The following DAB1 variants were observed in gnomAD, a reference collection of about 807,000 sequenced individuals.
DAB1 encodes disabled homolog 1.
A neutral mutation model predicts 64.6 loss-of-function variants in DAB1; 15 were observed. That is an observed-to-expected ratio of 0.23 (90% confidence interval 0.16 to 0.36). DAB1 has a LOEUF of 0.36. Among genes scored for constraint, DAB1 ranks in the 10% least tolerant of loss-of-function variants. The probability of loss-of-function intolerance (pLI) is 1.00; values close to 1 mark genes in which losing one functional copy is unlikely to be tolerated. For synonymous variants in DAB1, 235 were observed against 251.9 expected (o/e 0.93, Z 0.64); for missense variants, 596 against 706.7 (o/e 0.84, Z 1.78).
intron 4 of DAB1, among the ~76,000 whole-genome samples, chr1:57,128,004 C>T (rs61765323): frequency 0.011 from 1,729 of 151,826 alleles, 28 homozygotes; most frequent in East Asian, 0.057. Context: ...AAAAATTAGC[C>T]GGCATGGTGG....
chr1:57,293,602 C>T (rs942016690), intron 1 of DAB1, among the ~76,000 whole-genome samples: 3 of 152,162 alleles, frequency 2.0e-5, no homozygotes, highest in Non-Finnish European at 4.4e-5. Flanking sequence ...GACCGAAAGT[C>T]TGTATTATCT....
At chr1:58,127,593 G>A (rs1325320838) in intron 5 of DAB1, among the ~76,000 whole-genome samples, 1 of 152,140 alleles carries the variant, frequency 6.6e-6, no homozygotes, top group Admixed American at 6.5e-5. Context: ...ATGGTTTTAG[G>A]TCTAACATTT....
intron 3 of DAB1, among the ~76,000 whole-genome samples, chr1:58,487,813 T>G (rs1351997442): frequency 2.0e-5 from 3 of 152,094 alleles, no homozygotes; most frequent in Admixed American, 2.0e-4. Flanking sequence ...ATACTTTAAT[T>G]ACTTCTGATT....
At position 57,889,899 on chromosome 1, in the gene DAB1, C is replaced by CG. The variant is rs68120488; in HGVS notation, n.388-5738dup. Among the ~76,000 whole-genome samples, 636 of 74,278 alleles carry CG rather than the reference C, an allele frequency of 8.6e-3. 5 individuals carry two copies. Among genetic ancestry groups the CG allele is most frequent in the Middle Eastern group, 0.029 (4 of 138 alleles). The allele number at this position is 74,278 out of a possible 152,430, so 48.7% of individuals were successfully genotyped here. ...TCGCAGATGGTAGCACAAACTGGGG[C>CG]GGGGGGGGGGGAGGGGGAAGAAATC... On this transcript the variant is annotated intron_variant and non_coding_transcript_variant, in intron 5 of 20. Transcript: ENST00000485760.
intron 4 of DAB1, among the ~76,000 whole-genome samples, chr1:57,123,247 T>C (rs1656826960): frequency 6.6e-6 from 1 of 152,092 alleles, no homozygotes; most frequent in South Asian, 2.1e-4. Flanking sequence ...ATAGGCCAAG[T>C]CCTAAGAGAA....
intron 4 of DAB1, among the ~76,000 whole-genome samples, chr1:58,194,041 GAAGTT>G (rs1657534934): frequency 6.6e-6 from 1 of 152,220 alleles, no homozygotes; most frequent in African/African-American, 2.4e-5. Flanking sequence ...TGCTGCAGCA[GAAGTT>G]AAGAGATTAG....
At chr1:57,760,605 C>G (rs1350910175) in intron 6 of DAB1, among the ~76,000 whole-genome samples, 1 of 113,436 alleles carries the variant, frequency 8.8e-6, no homozygotes, top group Admixed American at 9.2e-5. Flanking sequence ...ACTTCTTTCT[C>G]TCTCTCTCTC....
intron 3 of DAB1, among the ~76,000 whole-genome samples, chr1:58,389,089 T>A (rs947178458): frequency 2.0e-5 from 3 of 152,172 alleles, no homozygotes; most frequent in African/African-American, 7.2e-5. Context: ...CAATCCTTCA[T>A]GAAAACACGT....
At chr1:58,313,459 CCTT>C (rs1288277860) in intron 4 of DAB1, among the ~76,000 whole-genome samples, 1 of 152,070 alleles carries the variant, frequency 6.6e-6, no homozygotes, top group Admixed American at 6.6e-5. Flanking sequence ...AATCCTGTAA[CCTT>C]CTTCTCCTCA....
chr1:58,218,996 T>TCC lies in DAB1; in HGVS notation n.310-68409_310-68408insGG, dbSNP rs1215121510. On this transcript the variant is annotated intron_variant and non_coding_transcript_variant, in intron 4 of 20. Coordinates refer to the DAB1 transcript ENST00000485760. ...CCCCCATAATTCTGGCCATTCTCTCTCTCTCTCTCTCTCTCTCTCTCTCTC... is the reference window on the plus strand; with the variant it reads ...CCCCCATAATTCTGGCCATTCTCTCTCCCTCTCTCTCTCTCTCTCTCTCTCTC... Among the ~76,000 whole-genome samples the TCC allele has an allele frequency of 3.8e-5, 4 of 106,054 alleles. No homozygotes were observed. In the Admixed American group the frequency reaches 3.9e-4, roughly 10 times the overall value. 69.6% of individuals were successfully genotyped at this position (106,054 alleles called of 152,430 possible). A position where few individuals can be genotyped will look rare whatever the true frequency, so the allele number is the denominator to read the frequency against.
intron 4 of DAB1, among the ~76,000 whole-genome samples, chr1:58,252,332 A>G (rs969593105): frequency 6.6e-6 from 1 of 152,224 alleles, no homozygotes; most frequent in Non-Finnish European, 1.5e-5. Context: ...TTTCTCAAGC[A>G]GGAAACATTT....
intron 6 of DAB1, among the ~76,000 whole-genome samples, chr1:57,723,100 C>A (rs1326191571): frequency 6.6e-6 from 1 of 152,102 alleles, no homozygotes; most frequent in African/African-American, 2.4e-5. Flanking sequence ...AGCTCCCAGG[C>A]CCTCCAAATT....
chr1:58,001,603 C>T (rs920555721), intron 5 of DAB1, among the ~76,000 whole-genome samples: 12 of 152,132 alleles, frequency 7.9e-5, no homozygotes, highest in African/African-American at 2.7e-4. Flanking sequence ...GCATTCTCAG[C>T]AGGTGAGGAA....
chr1:57,638,570 G>C (rs1389884918), intron 7 of DAB1, among the ~76,000 whole-genome samples: 2 of 152,116 alleles, frequency 1.3e-5, no homozygotes, highest in Non-Finnish European at 2.9e-5. Context: ...AATCTGTATT[G>C]CTGAAGAGAA....
intron 8 of DAB1, among the ~76,000 whole-genome samples, chr1:57,064,276 C>T (rs112483406): frequency 1.3e-5 from 2 of 152,138 alleles, no homozygotes; most frequent in South Asian, 2.1e-4. Context: ...GAGAAAGTGA[C>T]GCTCAGAGAT....
At chr1:57,269,494 C>A (rs551830570) in intron 2 of DAB1, among the ~76,000 whole-genome samples, 3 of 152,224 alleles carry the variant, frequency 2.0e-5, no homozygotes, top group South Asian at 4.1e-4. Flanking sequence ...CCTCCCTGGC[C>A]ACTCACAGAA....
At chr1:58,315,419 G>A (rs890342875) in intron 4 of DAB1, among the ~76,000 whole-genome samples, 2 of 152,162 alleles carry the variant, frequency 1.3e-5, no homozygotes, top group African/African-American at 4.8e-5. Context: ...AGCACAAGGG[G>A]AGTGTGTGTT....
chr1:58,136,665 G>T (rs550629937), intron 5 of DAB1, among the ~76,000 whole-genome samples: 23 of 152,316 alleles, frequency 1.5e-4, no homozygotes, highest in African/African-American at 2.4e-5. Context: ...GATTCAACAG[G>T]TGTTTCCTGA....
At chr1:57,853,628 C>T (rs1004372605) in intron 1 of DAB1, among the ~76,000 whole-genome samples, 1 of 152,160 alleles carries the variant, frequency 6.6e-6, no homozygotes, top group Admixed American at 6.5e-5. Context: ...GAACTAAAAT[C>T]AATGGATCAA....
Sources: allele counts gnomAD v4.1 joint callset (sites outside exome capture counted in the v4.1 genomes callset), GRCh38; gene constraint gnomAD v4.1.1; transcripts MANE v1.5; gene names NCBI Gene and HGNC (gene_info 2026-07-23, HGNC 2026-07-21).